The following L3MBTL1 variants were observed in gnomAD, a reference collection of about 807,000 sequenced individuals.
L3MBTL1 encodes the protein L3MBTL histone methyl-lysine binding protein 1.
A neutral mutation model predicts 105.3 loss-of-function variants in L3MBTL1; 75 were observed. That is an observed-to-expected ratio of 0.71 (90% confidence interval 0.59 to 0.86). The LOEUF is 0.86. L3MBTL1 is among the 40% of genes least tolerant of loss of function. The pLI is 0.00. For synonymous variants in L3MBTL1, 452 were observed against 436.2 expected, an observed-to-expected ratio of 1.04 and a Z score of -0.45; for missense variants, 1,069 against 1,126.4, an observed-to-expected ratio of 0.95 and a Z score of 0.73.
At chr20:43,522,200 C>T (rs1402326172) in intron 7 of L3MBTL1, among the ~76,000 whole-genome samples, 2 of 152,000 alleles carry the variant, frequency 1.3e-5, no homozygotes, top group East Asian at 3.9e-4. Flanking sequence ...ACTAAGAATA[C>T]AAAAATTAGC....
At position 43,529,185 on chromosome 20, in the gene L3MBTL1, C is replaced by T. The variant is rs749724469; in HGVS notation, c.952-79C>T. ...ATACCAGGCGGGTGGGGCCTAAAGG[C>T]AGCTCCTTCACCCCAAGCCCACTAG... is the stretch of plus-strand genomic sequence containing the variant. On this transcript the variant is annotated intron_variant, in intron 8 of 21. Transcript: ENST00000418998. 204 of 1,068,402 alleles carry T rather than the reference C, an allele frequency of 1.9e-4. 1 individual carries two copies. Among genetic ancestry groups the T allele is most frequent in the Non-Finnish European group, 2.7e-4 (191 of 710,658 alleles). 66.2% of individuals were successfully genotyped at this position (1,068,402 alleles called of 1,614,324 possible). A position where few individuals can be genotyped will look rare whatever the true frequency, so the allele number is the denominator to read the frequency against.
rs1225293814 is a variant in L3MBTL1 at position 43,530,842 on chromosome 20, A to C, written c.1237A>C (p.Thr413Pro). Residue 413 changes from threonine to proline, a missense_variant, in exon 11 of 22, where the codon ACA becomes CCA. Thr to Pro is a conservative substitution (Grantham distance 38). Coordinates refer to ENST00000418998, the MANE Select transcript of L3MBTL1 (RefSeq NM_001377303.1). ...EFSWSQYLRSTRAQAAPKHLF... is the reference protein window; with the variant it reads ...EFSWSQYLRSPRAQAAPKHLF... ...CAGCTGGAGCCAGTACCTGCGCAGC[A>C]CAAGAGCTCAGGCTGCCCCCAAGCA... 2 of 1,614,068 alleles carry C rather than the reference A, an allele frequency of 1.2e-6. No individual in the cohort carries two copies.
At chr20:43,527,442 C>G (rs1382481641) in intron 7 of L3MBTL1, among the ~76,000 whole-genome samples, 1 of 152,168 alleles carries the variant, frequency 6.6e-6, no homozygotes, top group Admixed American at 6.5e-5. Flanking sequence ...GACTCCACCT[C>G]AGGTTAGATT....
chr20:43,541,000 G>A lies in L3MBTL1; in HGVS notation c.2461G>A (p.Asp821Asn), dbSNP rs1349655702. The part of the protein sequence containing the change: ...TLVWTVAQLG[D>N]LVCSDHLQEG... ...AGTCTGGACTGTGGCCCAGCTTGGG[G>A]ACCTTGTGTGCTCAGATCATCTTCA... is the stretch of plus-strand genomic sequence containing the variant. Residue 821 changes from aspartate to asparagine, a missense_variant, in exon 22 of 22, where the codon GAC becomes AAC. Transcript: ENST00000418998. 6 of 1,614,204 alleles carry A rather than the reference G, an allele frequency of 3.7e-6. No individual in the cohort carries two copies. The highest frequency in any genetic ancestry group is 1.6e-4 in the Middle Eastern group (1 of 6,062).
Position 43,518,151 on chromosome 20 carries a change from G to A in L3MBTL1, c.862+1974G>A, listed in dbSNP as rs148202070. ...TATTAGTGTGACATTTTCCCCCAACGCCTTTTTTTTTTTTTCGTTTTCCAA... is the reference window on the plus strand; with the variant it reads ...TATTAGTGTGACATTTTCCCCCAACACCTTTTTTTTTTTTTCGTTTTCCAA... On this transcript the variant is annotated intron_variant, in intron 7 of 21. Coordinates refer to ENST00000418998, the MANE Select transcript of L3MBTL1 (RefSeq NM_001377303.1). 6.0e-3 allele frequency among the ~76,000 whole-genome samples: 878 copies of A among 146,448 alleles called. 12 individuals carry two copies. Among genetic ancestry groups the A allele is most frequent in the African/African-American group, 0.02 (821 of 40,368 alleles).
intron 13 of L3MBTL1, 61 bp downstream of exon 13, chr20:43,533,479 G>A: frequency 6.9e-7 from 1 of 1,442,856 alleles, no homozygotes; most frequent in Non-Finnish European, 9.6e-7. Flanking sequence ...CCTCTCCACT[G>A]ACCCCTCACC....
chr20:43,530,177 T>C (rs1568924504), intron 9 of L3MBTL1, 107 bp from the exon 10 acceptor site: 6 of 1,406,374 alleles, frequency 4.3e-6, no homozygotes, highest in South Asian at 1.2e-5. Context: ...GGGAACCTGC[T>C]AGCATTAGAG....
intron 4 of L3MBTL1, 61 bp downstream of exon 4, chr20:43,514,837 C>T (rs1418499140): frequency 5.5e-5 from 81 of 1,478,798 alleles, no homozygotes; most frequent in Non-Finnish European, 6.9e-5. Context: ...GAGGCCTGAG[C>T]CCCAGAAGGT....
chr20:43,540,031 A>G, intron 19 of L3MBTL1, 120 bp from the exon 20 acceptor site: 1 of 1,124,000 alleles, frequency 8.9e-7, no homozygotes, highest in East Asian at 2.5e-5. Flanking sequence ...GGCTGTCAGA[A>G]GGGGCCCGGA....
Position 43,513,851 on chromosome 20 carries a change from C to A in L3MBTL1, c.150C>A (p.Thr50=). ...TAFIIPASSA[T]LGLPSSALDV... ...ATCTGTTTACAGCCAGTTCGGCCAC[C>A]CTCGGCCTGCCCAGCAGTGCCCTGG... The change falls in exon 3 of 22, where the codon ACC becomes ACA. Residue 50 remains threonine, a synonymous_variant. Coordinates refer to ENST00000418998, the MANE Select transcript of L3MBTL1 (RefSeq NM_001377303.1). 1.3e-6 allele frequency: 2 copies of A among 1,550,654 alleles called. No individual in the cohort carries two copies. The highest frequency in any genetic ancestry group is 1.7e-6 in the Non-Finnish European group (2 of 1,146,992).
Position 43,514,744 on chromosome 20 carries a change from C to T in L3MBTL1, c.470C>T (p.Ala157Val), listed in dbSNP as rs2018277828. The T allele has an allele frequency of 7.0e-6, 11 of 1,564,746 alleles. No individual in the cohort carries two copies. The highest frequency in any genetic ancestry group is 9.5e-6 in the Non-Finnish European group (11 of 1,154,520). ...GAATACGAAGATGGCGGGGCCCCGG[C>T]GGGAGATGGCGAGGCGGGCCCCCAA... ...VTEYEDGGAPAGDGEAGPQQA... is the reference protein window; with the variant it reads ...VTEYEDGGAPVGDGEAGPQQA... The change falls in exon 4 of 22, where the codon GCG becomes GTG. Residue 157 changes from alanine to valine, a missense_variant. By Grantham distance (64) the Ala-to-Val change is moderately conservative. Coordinates refer to ENST00000418998, the MANE Select transcript of L3MBTL1 (RefSeq NM_001377303.1).
In L3MBTL1 at chr20:43,512,766, T is replaced by C. The variant is rs552415484; in HGVS notation, c.-28-710T>C. Among the ~76,000 whole-genome samples, 5 of 152,338 alleles carry C rather than the reference T, an allele frequency of 3.3e-5. No homozygotes were observed. In the South Asian group the frequency reaches 1.0e-3, roughly 32 times the overall value. ...GTATATTCTTTGTATCTCTAGGTCT[T>C]TTTCTTTATGTCTTTACCTGTTGAA... On this transcript the variant is annotated intron_variant, in intron 1 of 21. Transcript: ENST00000418998.
intron 9 of L3MBTL1, among the ~76,000 whole-genome samples, chr20:43,529,616 AT>A (rs922643761): frequency 3.3e-5 from 5 of 152,168 alleles, no homozygotes; most frequent in Admixed American, 6.5e-5. Flanking sequence ...AGGGCCAGGG[AT>A]GTTGGCATGA....
chr20:43,544,513 T>G (rs1978448724), downstream of L3MBTL1, among the ~76,000 whole-genome samples: 1 of 152,128 alleles, frequency 6.6e-6, no homozygotes, highest in Admixed American at 6.5e-5. Context: ...TTTTCTGAGG[T>G]CATTCCATTG....
rs1182187056 is a variant in L3MBTL1 at position 43,534,754 on chromosome 20, G to A, written c.1711-74G>A. ...GATCTTGCTTCTGACAGGTCCCAGG[G>A]ATGGGGAGAGGACCTTCTGGCTGAG... is the stretch of plus-strand genomic sequence containing the variant. On this transcript the variant is annotated intron_variant, in intron 15 of 21. Coordinates refer to ENST00000418998, the MANE Select transcript of L3MBTL1 (RefSeq NM_001377303.1). 5 of 1,044,338 alleles carry A rather than the reference G, an allele frequency of 4.8e-6. No individual in the cohort carries two copies. In the East Asian group the frequency reaches 7.4e-5, roughly 15 times the overall value. The allele number at this position is 1,044,338 out of a possible 1,614,324, so 64.7% of individuals were successfully genotyped here.
exon 19 of L3MBTL1, chr20:43,548,273 C>G (rs1242187522): frequency 2.3e-6 from 3 of 1,299,280 alleles, no homozygotes; most frequent in Non-Finnish European, 3.0e-6. Context: ...CCTCCTGCAG[C>G]CCCTGCTTGG....
chr20:43,540,720 C>G (rs368985991), intron 20 of L3MBTL1, 33 bp from the exon 21 acceptor site: 18 of 1,610,028 alleles, frequency 1.1e-5, no homozygotes, highest in South Asian at 3.3e-5. Flanking sequence ...TAAGCTCTGT[C>G]CCCTGGTCAA....
At chr20:43,511,146 G>A (rs569711374) in intron 1 of L3MBTL1, among the ~76,000 whole-genome samples, 41 of 152,152 alleles carry the variant, frequency 2.7e-4, no homozygotes, top group African/African-American at 6.0e-4. Flanking sequence ...TCCACCTCCC[G>A]GGTTCAAGCG....
chr20:43,548,367 G>T, exon 19 of L3MBTL1: 1 of 944,784 alleles, frequency 1.1e-6, no homozygotes, highest in South Asian at 1.6e-5. Context: ...ATCTGACCAG[G>T]CTGGTCCTTC....
Sources: allele counts gnomAD v4.1 joint callset (sites outside exome capture counted in the v4.1 genomes callset), GRCh38; gene constraint gnomAD v4.1.1; transcripts MANE v1.5; gene names NCBI Gene and HGNC (gene_info 2026-07-23, HGNC 2026-07-21).